EYS: variants seen among roughly 807,000 people sequenced by gnomAD.
The protein encoded by EYS is protein eyes shut homolog.
A neutral mutation model predicts 282.1 loss-of-function variants in EYS; 250 were observed. The observed-to-expected ratio is 0.89, with a 90% CI of 0.80 to 0.98. The LOEUF (loss-of-function observed/expected upper bound fraction) is 0.98. Ranked by LOEUF, EYS falls within the 50% of genes least tolerant of loss-of-function variation. The pLI, the probability that EYS is intolerant of heterozygous loss-of-function variation, is 0.00. For missense variants in EYS, 4,016 were observed against 3,709.0 expected, an observed-to-expected ratio of 1.08 and a Z score of -2.15; for synonymous variants, 1,355 against 1,282.9, an observed-to-expected ratio of 1.06 and a Z score of -1.20.
At chr6:64,749,131 G>A (rs1772660472) in intron 22 of EYS, among the ~76,000 whole-genome samples, 3 of 152,158 alleles carry the variant, frequency 2.0e-5, no homozygotes, top group Non-Finnish European at 2.9e-5. Flanking sequence ...TTAGAAAATT[G>A]TAATTTCATA....
chr6:64,828,738 C>A (rs1583200560), intron 19 of EYS, among the ~76,000 whole-genome samples: 1 of 152,076 alleles, frequency 6.6e-6, no homozygotes, highest in Middle Eastern at 3.4e-3. Flanking sequence ...TGCCAGAGAT[C>A]ACAGATAGTT....
At chr6:64,978,737 G>A (rs1770556046) in intron 14 of EYS, among the ~76,000 whole-genome samples, 1 of 151,888 alleles carries the variant, frequency 6.6e-6, no homozygotes, top group Non-Finnish European at 1.5e-5. Flanking sequence ...ATTAATAAGA[G>A]TTTGGAAGAA....
At chr6:65,016,169 G>A (rs576121161) in intron 13 of EYS, among the ~76,000 whole-genome samples, 28 of 150,226 alleles carry the variant, frequency 1.9e-4, no homozygotes, top group South Asian at 8.4e-4. Flanking sequence ...CTCAAGACCC[G>A]CTTGGATAAC....
chr6:65,682,137 C>G (rs1237334523), intron 1 of EYS, among the ~76,000 whole-genome samples: 13 of 151,958 alleles, frequency 8.6e-5, no homozygotes, highest in Admixed American at 8.5e-4. Flanking sequence ...GTTTGCCTCC[C>G]TGTTTAGCTG....
intron 35 of EYS, among the ~76,000 whole-genome samples, chr6:63,883,689 A>T (rs1488913858): frequency 6.6e-6 from 1 of 152,170 alleles, no homozygotes; most frequent in Non-Finnish European, 1.5e-5. Flanking sequence ...ATTGCTTGTA[A>T]CTAAACCTGT....
chr6:64,313,412 G>A (rs771847407), intron 29 of EYS, among the ~76,000 whole-genome samples: 2 of 152,234 alleles, frequency 1.3e-5, no homozygotes, highest in African/African-American at 2.4e-5. Flanking sequence ...TTTGATTGTT[G>A]TACCTGAAAA....
At chr6:65,471,454 A>T (rs1765215765) in intron 5 of EYS, among the ~76,000 whole-genome samples, 1 of 152,072 alleles carries the variant, frequency 6.6e-6, no homozygotes, top group African/African-American at 2.4e-5. Context: ...AAGATAAATG[A>T]CGATGAATTC....
intron 30 of EYS, among the ~76,000 whole-genome samples, chr6:64,282,848 A>G (rs1313392910): frequency 3.3e-5 from 5 of 152,162 alleles, no homozygotes; most frequent in Non-Finnish European, 7.4e-5. Context: ...AATCTGATGA[A>G]TTCTCATTGT....
chr6:64,819,633 T>C (rs114546789), intron 21 of EYS, among the ~76,000 whole-genome samples: 1,768 of 152,048 alleles, frequency 0.012, 36 homozygotes, highest in African/African-American at 0.04. Flanking sequence ...TCACGAATTC[T>C]ATAATTGTAG....
chr6:65,617,712 C>A (rs1401495046), intron 2 of EYS, among the ~76,000 whole-genome samples: 2 of 130,832 alleles, frequency 1.5e-5, no homozygotes, highest in African/African-American at 2.8e-5. Context: ...CTCCCCCCAC[C>A]CCACCACAAT....
chr6:65,451,977 T>G (rs1426114629), intron 5 of EYS, among the ~76,000 whole-genome samples: 2 of 151,878 alleles, frequency 1.3e-5, no homozygotes, highest in Non-Finnish European at 2.9e-5. Context: ...AAAATTAATT[T>G]TTAATTTGAA....
At chr6:64,462,793 G>A (rs182125017) in intron 26 of EYS, among the ~76,000 whole-genome samples, 1 of 152,082 alleles carries the variant, frequency 6.6e-6, no homozygotes, top group Admixed American at 6.5e-5. Context: ...TTTCAGGAGG[G>A]AGTACAGGTA....
intron 22 of EYS, among the ~76,000 whole-genome samples, chr6:64,774,785 G>C (rs964805480): frequency 1.2e-4 from 18 of 151,750 alleles, no homozygotes; most frequent in African/African-American, 4.4e-4. Flanking sequence ...ACTAAATTTT[G>C]GGCCCATCTT....
chr6:64,489,621 T>C (rs1776679039), intron 26 of EYS, among the ~76,000 whole-genome samples: 1 of 149,462 alleles, frequency 6.7e-6, no homozygotes, highest in Admixed American at 6.7e-5. Context: ...AGTTTTAATA[T>C]AAAATCTACT....
chr6:64,319,597 C>A (rs1051546053), intron 29 of EYS, among the ~76,000 whole-genome samples: 3 of 151,618 alleles, frequency 2.0e-5, no homozygotes, highest in African/African-American at 7.3e-5. Context: ...TTAAATTAGG[C>A]TAAACCTTTT....
chr6:65,358,548 T>C (rs1764580404), intron 8 of EYS, among the ~76,000 whole-genome samples: 1 of 151,310 alleles, frequency 6.6e-6, no homozygotes, highest in African/African-American at 2.4e-5. Context: ...AGAGCTGTAT[T>C]TGGCATGCCA....
intron 23 of EYS, among the ~76,000 whole-genome samples, chr6:64,625,387 A>G (rs1344062285): frequency 6.6e-6 from 1 of 152,168 alleles, no homozygotes. Context: ...AGAAAACAGA[A>G]ATTTATTTCT....
At chr6:64,998,924 T>G (rs1771364874) in intron 13 of EYS, among the ~76,000 whole-genome samples, 1 of 152,232 alleles carries the variant, frequency 6.6e-6, no homozygotes, top group Non-Finnish European at 1.5e-5. Flanking sequence ...AAGTAACAAC[T>G]GGAGTCAAAT....
chr6:65,417,519 G>T (rs964143866), intron 5 of EYS, among the ~76,000 whole-genome samples: 8 of 151,972 alleles, frequency 5.3e-5, no homozygotes, highest in African/African-American at 1.9e-4. Flanking sequence ...CCATTGTATG[G>T]ATCTGCAATT....
Sources: gnomAD v4.1 joint callset for allele counts (sites outside exome capture counted in the v4.1 genomes callset) on GRCh38, gnomAD v4.1.1 for gene constraint, MANE v1.5 for transcripts, NCBI Gene and HGNC (gene_info 2026-07-23, HGNC 2026-07-21) for gene names.